SMYD3: variants seen among roughly 807,000 people sequenced by gnomAD.
SMYD3 encodes SET and MYND domain containing 3, also known as histone-lysine N-methyltransferase SMYD3.
SMYD3 carries 36 observed loss-of-function variants against 57.7 expected under a neutral mutation model. The observed-to-expected ratio is 0.62, with a 90% confidence interval of 0.48 to 0.82. SMYD3 has a LOEUF of 0.82. Ranked by LOEUF, SMYD3 falls within the 40% of genes least tolerant of loss-of-function variation. The pLI is 0.00. For missense variants in SMYD3, 515 were observed against 538.8 expected (o/e 0.96, Z 0.44); for synonymous variants, 211 against 195.0 (o/e 1.08, Z -0.68).
chr1:245,950,487 C>A (rs947193289), intron 5 of SMYD3, among the ~76,000 whole-genome samples: 3 of 152,188 alleles, frequency 2.0e-5, no homozygotes, highest in African/African-American at 7.2e-5. Flanking sequence ...AGGCCCTGAA[C>A]GTCTGACCAC....
intron 5 of SMYD3, among the ~76,000 whole-genome samples, chr1:246,135,525 T>C (rs981597336): frequency 6.6e-5 from 10 of 152,190 alleles, no homozygotes; most frequent in South Asian, 6.2e-4. Flanking sequence ...CTGGCAAATA[T>C]AGAAGTCATT....
intron 5 of SMYD3, among the ~76,000 whole-genome samples, chr1:246,060,078 A>G (rs2060223971): frequency 6.6e-6 from 1 of 152,082 alleles, no homozygotes; most frequent in Admixed American, 6.6e-5. Flanking sequence ...TTGAGCTCAG[A>G]CTCAGGATAG....
rs186697198 is a variant in SMYD3 at position 246,403,066 on chromosome 1, T to C, written c.165-47972A>G. 3.9e-5 allele frequency among the ~76,000 whole-genome samples: 6 copies of C among 152,340 alleles called. No individual in the cohort carries two copies. The East Asian group carries it at 5.8e-4, about 15-fold the overall frequency. On this transcript the variant is annotated intron_variant, in intron 1 of 11. Transcript: ENST00000490107. Reference sequence around the variant, plus strand: ...CCATTAAAAACAAACAAAACTCATATGGCAAACTTCTGATAAACCAATTTA... The same window carrying C: ...CCATTAAAAACAAACAAAACTCATACGGCAAACTTCTGATAAACCAATTTA...
At chr1:245,899,113 G>A (rs894804138) in intron 8 of SMYD3, among the ~76,000 whole-genome samples, 3 of 152,184 alleles carry the variant, frequency 2.0e-5, no homozygotes. Context: ...GAAAACTGGT[G>A]AGATGAATTT....
At chr1:246,037,912 C>T (rs2059804341) in intron 5 of SMYD3, among the ~76,000 whole-genome samples, 1 of 152,146 alleles carries the variant, frequency 6.6e-6, no homozygotes. Flanking sequence ...CTGTGAAGTG[C>T]CAGATAATAA....
chr1:246,158,501 GA>G (rs1242052009), intron 5 of SMYD3, among the ~76,000 whole-genome samples: 2 of 152,192 alleles, frequency 1.3e-5, no homozygotes, highest in Non-Finnish European at 2.9e-5. Flanking sequence ...ATGATTAAAA[GA>G]GGAAATTGGC....
chr1:246,102,061 T>C (rs1423013227), intron 5 of SMYD3, among the ~76,000 whole-genome samples: 2 of 152,200 alleles, frequency 1.3e-5, no homozygotes, highest in African/African-American at 4.8e-5. Context: ...CATAACTGCC[T>C]GCTAAAGATC....
At chr1:246,408,094 G>T (rs1414138948) in intron 1 of SMYD3, among the ~76,000 whole-genome samples, 1 of 151,808 alleles carries the variant, frequency 6.6e-6, no homozygotes, top group African/African-American at 2.4e-5. Context: ...TGAGGACTCT[G>T]CCTTCCTGAG....
chr1:245,970,515 A>G (rs564679015), intron 5 of SMYD3, among the ~76,000 whole-genome samples: 2 of 152,216 alleles, frequency 1.3e-5, no homozygotes, highest in Admixed American at 6.5e-5. Context: ...TATCAGAGGA[A>G]ACAGGCAACC....
rs190028339 is a variant in SMYD3, at chr1:246,338,398, G to A, written c.229-2924C>T. The stretch of plus-strand genomic sequence containing the variant: ...ACAAACTAACCTTGGTCAAGACCTC[G>A]ATGACACATTTGTCATATATATTTG... On this transcript the variant is annotated intron_variant, in intron 2 of 11. Transcript: ENST00000490107. Among the ~76,000 whole-genome samples the A allele has an allele frequency of 3.9e-5, 6 of 152,278 alleles. No individual in the cohort carries two copies. The East Asian group carries it at 7.7e-4, about 20-fold the overall frequency.
intron 5 of SMYD3, among the ~76,000 whole-genome samples, chr1:246,170,761 G>A (rs373016443): frequency 6.8e-4 from 104 of 152,216 alleles, no homozygotes; most frequent in African/African-American, 2.3e-3. Context: ...TTCAAGAAAC[G>A]TAGTCGAGAA....
intron 5 of SMYD3, among the ~76,000 whole-genome samples, chr1:246,175,128 T>C (rs970340581): frequency 2.0e-5 from 3 of 152,238 alleles, no homozygotes; most frequent in Non-Finnish European, 4.4e-5. Context: ...TAACTGCGCC[T>C]GTGCCCTATG....
At chr1:245,790,682 G>A (rs2047230481) in intron 10 of SMYD3, among the ~76,000 whole-genome samples, 3 of 152,216 alleles carry the variant, frequency 2.0e-5, no homozygotes, top group South Asian at 4.1e-4. Context: ...CACAATGGGG[G>A]ATGAGTGTAC....
intron 5 of SMYD3, among the ~76,000 whole-genome samples, chr1:246,016,463 A>G (rs575542417): frequency 1.3e-5 from 2 of 149,044 alleles, no homozygotes; most frequent in South Asian, 2.2e-4. Flanking sequence ...TGTGCCTGTA[A>G]TCCCAGCTAC....
intron 5 of SMYD3, among the ~76,000 whole-genome samples, chr1:245,948,930 G>A (rs964937417): frequency 2.6e-5 from 4 of 152,136 alleles, no homozygotes; most frequent in Admixed American, 6.5e-5. Context: ...GCCCTACCCC[G>A]TCCATCCACC....
chr1:245,775,252 G>A (rs1005493869), intron 10 of SMYD3, among the ~76,000 whole-genome samples: 6 of 152,166 alleles, frequency 3.9e-5, no homozygotes, highest in East Asian at 1.9e-4. Context: ...CCATGATGAC[G>A]ATGGCGGTTT....
At chr1:245,980,399 A>G (rs1382607839) in intron 5 of SMYD3, among the ~76,000 whole-genome samples, 2 of 152,186 alleles carry the variant, frequency 1.3e-5, no homozygotes, top group African/African-American at 4.8e-5. Context: ...CATCAACCCT[A>G]GAGCCCAGCA....
At chr1:246,161,575 T>A (rs2062120813) in intron 5 of SMYD3, among the ~76,000 whole-genome samples, 1 of 152,224 alleles carries the variant, frequency 6.6e-6, no homozygotes, top group African/African-American at 2.4e-5. Flanking sequence ...TGCTCTATTG[T>A]AATTATTAAT....
At chr1:246,023,337 G>C (rs1332170866) in intron 5 of SMYD3, among the ~76,000 whole-genome samples, 1 of 152,216 alleles carries the variant, frequency 6.6e-6, no homozygotes. Flanking sequence ...TTAGAAAACA[G>C]AGATGAGATA....
Sources: allele counts gnomAD v4.1 joint callset (sites outside exome capture counted in the v4.1 genomes callset), GRCh38; gene constraint gnomAD v4.1.1; transcripts MANE v1.5; gene names NCBI Gene and HGNC (gene_info 2026-07-23, HGNC 2026-07-21).